PAX5: variants seen among roughly 807,000 people sequenced by gnomAD.
The protein encoded by PAX5 is paired box 5, also known as paired box protein Pax-5.
In PAX5, 9 loss-of-function variants were observed where a neutral mutation model predicts 43.7. That is an observed-to-expected ratio of 0.21 (90% CI 0.12 to 0.36). The LOEUF (loss-of-function observed/expected upper bound fraction) is 0.36. Among genes scored for constraint, PAX5 ranks in the 10% least tolerant of loss-of-function variants. PAX5 has a pLI of 1.00. For synonymous variants in PAX5, 228 were observed against 214.3 expected (o/e 1.06, Z -0.56); for missense variants, 383 against 532.7 (o/e 0.72, Z 2.77).
At chr9:36,962,409 C>T (rs1370611940) in intron 6 of PAX5, among the ~76,000 whole-genome samples, 1 of 152,148 alleles carries the variant, frequency 6.6e-6, no homozygotes, top group African/African-American at 2.4e-5. Context: ...CTTGAATAAA[C>T]AATCTGTGAA....
chr9:36,884,737 A>G (rs932011225), intron 7 of PAX5, among the ~76,000 whole-genome samples: 3 of 152,238 alleles, frequency 2.0e-5, no homozygotes, highest in Non-Finnish European at 2.9e-5. Context: ...TTGGGAAATC[A>G]TAAGAAAATT....
Position 36,840,714 on chromosome 9 carries a change from C to T in PAX5, c.1100-78G>A, listed in dbSNP as rs147585351. On this transcript the variant is annotated intron_variant, in intron 9 of 9. Transcript: ENST00000358127. ...CAGTCTCCTCCACTTCTGTCCTTTCCTCCCCTCACTCAGTCCGGGCCACCA... is the reference window on the plus strand; with the variant it reads ...CAGTCTCCTCCACTTCTGTCCTTTCTTCCCCTCACTCAGTCCGGGCCACCA... 668 of 860,944 alleles carry T rather than the reference C, an allele frequency of 7.8e-4. 3 individuals are homozygous for T. In the African/African-American group the frequency reaches 9.6e-3, roughly 12 times the overall value. The allele number at this position is 860,944 out of a possible 1,614,324, so 53.3% of individuals were successfully genotyped here.
intron 8 of PAX5, among the ~76,000 whole-genome samples, chr9:36,851,593 T>C (rs566459231): frequency 1.6e-4 from 25 of 152,280 alleles, no homozygotes; most frequent in African/African-American, 5.3e-4. Context: ...CATAGGATTT[T>C]CCCACTAGGT....
chr9:37,009,837 A>AAAT (rs1838779385), intron 3 of PAX5, among the ~76,000 whole-genome samples: 4 of 152,028 alleles, frequency 2.6e-5, no homozygotes, highest in African/African-American at 9.7e-5. Flanking sequence ...TAAAAATTAA[A>AAAT]AATAATAATA....
chr9:37,004,185 G>A (rs1838186070), intron 4 of PAX5, among the ~76,000 whole-genome samples: 1 of 152,224 alleles, frequency 6.6e-6, no homozygotes, highest in African/African-American at 2.4e-5. Flanking sequence ...ACTGAGGCTA[G>A]GTCTCAAAGT....
chr9:36,959,868 C>T (rs1312411798), intron 6 of PAX5, among the ~76,000 whole-genome samples: 1 of 152,232 alleles, frequency 6.6e-6, no homozygotes, highest in Non-Finnish European at 1.5e-5. Flanking sequence ...ACTGTGTGCC[C>T]TTGGCTAAGC....
intron 3 of PAX5, among the ~76,000 whole-genome samples, chr9:37,012,884 G>A (rs1376643150): frequency 2.0e-5 from 3 of 152,072 alleles, no homozygotes; most frequent in African/African-American, 4.8e-5. Flanking sequence ...GATGTAAACC[G>A]ATGCTCTGTA....
chr9:36,898,425 A>T (rs1828062523), intron 7 of PAX5, among the ~76,000 whole-genome samples: 2 of 152,062 alleles, frequency 1.3e-5, no homozygotes, highest in African/African-American at 4.8e-5. Context: ...CTGCATTCAC[A>T]TGTGTAAAGG....
chr9:36,869,661 C>T (rs184738266), intron 8 of PAX5, among the ~76,000 whole-genome samples: 35 of 152,336 alleles, frequency 2.3e-4, no homozygotes, highest in Non-Finnish European at 3.7e-4. Flanking sequence ...ACAACTGGCC[C>T]CCATAGCCCC....
At position 36,839,774 on chromosome 9, in the gene PAX5, A is replaced by C. The variant is rs973601936; in HGVS notation, c.*786T>G. 3.4e-5 allele frequency: 8 copies of C among 233,258 alleles called. No individual in the cohort carries two copies. Among genetic ancestry groups the C allele is most frequent in the African/African-American group, 1.8e-4 (8 of 45,352 alleles). The allele number at this position is 233,258 out of a possible 1,614,324, so 14.4% of individuals were successfully genotyped here. A position where few individuals can be genotyped will look rare whatever the true frequency, so the allele number is the denominator to read the frequency against. ...TTCTGCTTCGGAAAAGTAGCTGAGGAATCTCCCAGACAGTTTTCTTTGAGT... is the reference window on the plus strand; with the variant it reads ...TTCTGCTTCGGAAAAGTAGCTGAGGCATCTCCCAGACAGTTTTCTTTGAGT... On this transcript the variant is annotated 3_prime_UTR_variant, in exon 10 of 10. Transcript: ENST00000358127.
chr9:36,928,095 C>A (rs1002634881), intron 6 of PAX5, among the ~76,000 whole-genome samples: 5 of 152,214 alleles, frequency 3.3e-5, no homozygotes, highest in Admixed American at 3.3e-4. Context: ...AGTTCTTACT[C>A]TGCTCCTGCA....
chr9:36,866,524 A>G (rs1026758078), intron 8 of PAX5, among the ~76,000 whole-genome samples: 17 of 152,198 alleles, frequency 1.1e-4, no homozygotes, highest in Non-Finnish European at 2.2e-4. Context: ...ATCTGCATTC[A>G]GGAAGAGCAC....
intron 5 of PAX5, among the ~76,000 whole-genome samples, chr9:36,993,064 C>T (rs1837073409): frequency 6.6e-6 from 1 of 152,204 alleles, no homozygotes; most frequent in South Asian, 2.1e-4. Flanking sequence ...TCTTCACTCT[C>T]ATTCTCTCAC....
At chr9:36,889,946 G>GA (rs1015819304) in intron 7 of PAX5, among the ~76,000 whole-genome samples, 3 of 144,326 alleles carry the variant, frequency 2.1e-5, no homozygotes, top group South Asian at 2.4e-4. Context: ...ACTAACGGGG[G>GA]GGGGGGGAAT....
chr9:36,996,935 A>C (rs890636152), intron 5 of PAX5, among the ~76,000 whole-genome samples: 8 of 152,270 alleles, frequency 5.3e-5, no homozygotes, highest in African/African-American at 1.7e-4. Context: ...GTATGTACGA[A>C]AAAGAAAGCT....
At chr9:37,004,630 T>C (rs2132412717) in intron 4 of PAX5, among the ~76,000 whole-genome samples, 1 of 152,324 alleles carries the variant, frequency 6.6e-6, no homozygotes, top group South Asian at 2.1e-4. Flanking sequence ...CTCTTTTTCT[T>C]CACCAGAAGA....
chr9:36,857,498 C>T (rs1404525551), intron 8 of PAX5, among the ~76,000 whole-genome samples: 3 of 152,150 alleles, frequency 2.0e-5, no homozygotes, highest in Non-Finnish European at 4.4e-5. Flanking sequence ...ACTAGACATT[C>T]GGGTGCCAGC....
Position 37,034,098 on chromosome 9 carries a change from CTTTTTTTTTTTTTT to C in PAX5, c.-81_-68del, listed in dbSNP as rs576653546. The stretch of plus-strand genomic sequence containing the variant: ...TCCACTTTTTTGTGCCTTTTTTTTT[CTTTTTTTTTTTTTT>C]TTTTTTTTTTTTTTGGTGCCAGGGG... On this transcript the variant is annotated 5_prime_UTR_variant, in exon 1 of 10. Coordinates refer to ENST00000358127, the MANE Select transcript of PAX5 (RefSeq NM_016734.3). The C allele has an allele frequency of 8.1e-5, 26 of 320,058 alleles. No homozygotes were observed. Among genetic ancestry groups the C allele is most frequent in the South Asian group, 1.8e-4 (6 of 33,904 alleles). The allele number at this position is 320,058 out of a possible 1,614,324, so 19.8% of individuals were successfully genotyped here.
At chr9:37,016,499 T>A (rs1347929292) in intron 2 of PAX5, among the ~76,000 whole-genome samples, 1 of 152,198 alleles carries the variant, frequency 6.6e-6, no homozygotes, top group Non-Finnish European at 1.5e-5. Context: ...GAAAATAGGA[T>A]GTCAGGGTTT....
Sources: allele counts gnomAD v4.1 joint callset (sites outside exome capture counted in the v4.1 genomes callset), GRCh38; gene constraint gnomAD v4.1.1; transcripts MANE v1.5; gene names NCBI Gene and HGNC (gene_info 2026-07-23, HGNC 2026-07-21).